The following SLC14A2 variants were observed in gnomAD, a reference collection of about 807,000 sequenced individuals.
SLC14A2 encodes the protein urea transporter 2.
In SLC14A2, 91 loss-of-function variants were observed where a neutral mutation model predicts 104.6. That is an observed-to-expected ratio of 0.87 (90% CI 0.73 to 1.04). The LOEUF (loss-of-function observed/expected upper bound fraction) is 1.04. SLC14A2 is among the 50% of genes least tolerant of loss of function. The pLI is 0.00. For missense variants in SLC14A2, 1,189 were observed against 1,156.0 expected (o/e 1.03, Z -0.41); for synonymous variants, 476 against 466.4 (o/e 1.02, Z -0.27).
At chr18:45,262,515 G>C (rs1202053242) in intron 1 of SLC14A2, among the ~76,000 whole-genome samples, 1 of 152,200 alleles carries the variant, frequency 6.6e-6, no homozygotes, top group African/African-American at 2.4e-5. Context: ...AGCCCTGCCA[G>C]GGTGAGAGGG....
At chr18:45,215,009 G>A (rs187983665) in intron 1 of SLC14A2, among the ~76,000 whole-genome samples, 15 of 152,090 alleles carry the variant, frequency 9.9e-5, no homozygotes, top group Admixed American at 9.8e-4. Flanking sequence ...AAGTACTCTT[G>A]GAGTTTAGAG....
intron 1 of SLC14A2, among the ~76,000 whole-genome samples, chr18:45,410,303 T>G (rs1019809255): frequency 3.9e-5 from 6 of 152,204 alleles, no homozygotes; most frequent in Admixed American, 3.9e-4. Context: ...GGTCAGGGAC[T>G]CTTGTTCTAG....
At chr18:45,561,400 C>T (rs139903218) in intron 2 of SLC14A2, among the ~76,000 whole-genome samples, 7 of 152,300 alleles carry the variant, frequency 4.6e-5, no homozygotes, top group African/African-American at 1.7e-4. Flanking sequence ...AGCAGTTTGT[C>T]TGCTGCTAGG....
chr18:45,493,729 T>G (rs1351689001), intron 2 of SLC14A2, among the ~76,000 whole-genome samples: 2 of 152,260 alleles, frequency 1.3e-5, no homozygotes, highest in Non-Finnish European at 2.9e-5. Context: ...TTTATACTAG[T>G]TTTTTAGTTA....
chr18:45,457,268 T>C (rs113186429), intron 1 of SLC14A2, among the ~76,000 whole-genome samples: 2 of 152,290 alleles, frequency 1.3e-5, no homozygotes, highest in South Asian at 4.1e-4. Flanking sequence ...TAGCCCTTTT[T>C]CAGCCAGTTT....
At position 45,681,546 on chromosome 18, in the gene SLC14A2, A is replaced by G. The variant is rs979629149; in HGVS notation, c.2563-773A>G. ...TCTCAAGAAATAAAAACAGGTCAACATCAAGAGAAAAAGAGCTGGAGATTG... is the reference window on the plus strand; with the variant it reads ...TCTCAAGAAATAAAAACAGGTCAACGTCAAGAGAAAAAGAGCTGGAGATTG... On this transcript the variant is annotated intron_variant, in intron 19 of 19. Coordinates refer to ENST00000255226, the MANE Select transcript of SLC14A2 (RefSeq NM_007163.4). 8.5e-5 allele frequency among the ~76,000 whole-genome samples: 13 copies of G among 152,226 alleles called. No individual in the cohort carries two copies. In the East Asian group the frequency reaches 2.5e-3, roughly 29 times the overall value.
At chr18:45,345,997 T>A (rs1204248377) in intron 1 of SLC14A2, among the ~76,000 whole-genome samples, 2 of 152,220 alleles carry the variant, frequency 1.3e-5, no homozygotes, top group African/African-American at 4.8e-5. Flanking sequence ...CTTTAAAATG[T>A]TTGCCAGTAT....
chr18:45,539,606 C>G (rs1007466349), intron 2 of SLC14A2, among the ~76,000 whole-genome samples: 31 of 152,312 alleles, frequency 2.0e-4, no homozygotes, highest in African/African-American at 7.0e-4. Context: ...CCCATCGATC[C>G]CAGACCATGC....
intron 1 of SLC14A2, among the ~76,000 whole-genome samples, chr18:45,343,081 G>A (rs2085412286): frequency 6.6e-6 from 1 of 151,944 alleles, no homozygotes; most frequent in Admixed American, 6.6e-5. Flanking sequence ...ACCTAAATCT[G>A]GGTGGCACAA....
At chr18:45,447,810 A>G (rs1298470400) in intron 1 of SLC14A2, among the ~76,000 whole-genome samples, 1 of 152,240 alleles carries the variant, frequency 6.6e-6, no homozygotes, top group African/African-American at 2.4e-5. Flanking sequence ...TCACTAGATT[A>G]AAGCCTGAAT....
intron 18 of SLC14A2, among the ~76,000 whole-genome samples, chr18:45,676,301 G>T (rs2046228769): frequency 6.6e-6 from 1 of 152,184 alleles, no homozygotes; most frequent in African/African-American, 2.4e-5. Context: ...GATCGGAGCA[G>T]GTGGCCCGGT....
chr18:45,412,188 G>T (rs2086222634), intron 1 of SLC14A2, among the ~76,000 whole-genome samples: 1 of 152,170 alleles, frequency 6.6e-6, no homozygotes, highest in South Asian at 2.1e-4. Context: ...TAAGGCCAAG[G>T]TCTTATTCAT....
At chr18:45,541,192 A>G (rs1212188829) in intron 2 of SLC14A2, among the ~76,000 whole-genome samples, 1 of 152,124 alleles carries the variant, frequency 6.6e-6, no homozygotes, top group Non-Finnish European at 1.5e-5. Context: ...TGCCACTCCC[A>G]TGATTCAGCC....
At chr18:45,278,154 C>T (rs2084722911) in intron 1 of SLC14A2, among the ~76,000 whole-genome samples, 3 of 152,346 alleles carry the variant, frequency 2.0e-5, no homozygotes, top group Middle Eastern at 3.4e-3. Context: ...TTGTAACTCA[C>T]AGCCCTTGAG....
At chr18:45,528,151 C>G (rs1026777796) in intron 2 of SLC14A2, 7 of 120,462 alleles carry the variant, frequency 5.8e-5, no homozygotes, top group African/African-American at 2.3e-4. Context: ...ACCAAAGTTA[C>G]AACTGTTCAC....
chr18:45,168,515 GT>G, the SLC14A2 span: 5 of 152,300 alleles, frequency 3.3e-5, no homozygotes, highest in East Asian at 7.7e-4. Context: ...ACAAAAAAGA[GT>G]GAGAATAGGA....
intron 1 of SLC14A2, among the ~76,000 whole-genome samples, chr18:45,374,884 G>A (rs2085757844): frequency 6.6e-6 from 1 of 152,200 alleles, no homozygotes; most frequent in Non-Finnish European, 1.5e-5. Context: ...GTGGCCATTT[G>A]TGAGTTAAGC....
At chr18:45,338,696 A>AAAAAAAAC (rs1568158049) in intron 1 of SLC14A2, among the ~76,000 whole-genome samples, 45 of 116,438 alleles carry the variant, frequency 3.9e-4, no homozygotes, top group African/African-American at 1.2e-3. Flanking sequence ...AAAAAAAAAA[A>AAAAAAAAC]AAAAAAAAAA....
chr18:45,681,977 C>T (rs959641551), intron 19 of SLC14A2, among the ~76,000 whole-genome samples: 1 of 152,208 alleles, frequency 6.6e-6, no homozygotes, highest in Non-Finnish European at 1.5e-5. Context: ...CACAGGATGA[C>T]CATAGTTCCT....
Sources: allele counts gnomAD v4.1 joint callset (sites outside exome capture counted in the v4.1 genomes callset), GRCh38; gene constraint gnomAD v4.1.1; transcripts MANE v1.5; gene names NCBI Gene and HGNC (gene_info 2026-07-23, HGNC 2026-07-21).